KIRREL3: variants seen among roughly 807,000 people sequenced by gnomAD.
KIRREL3 encodes the protein kin of IRRE-like protein 3.
In KIRREL3, 36 loss-of-function variants were observed where a neutral mutation model predicts 89.7. The ratio of observed to expected loss-of-function variants is 0.40; its 90% CI spans 0.31 to 0.53. The LOEUF (loss-of-function observed/expected upper bound fraction) is 0.53, where lower values mean the gene tolerates loss of function less well. Ranked by LOEUF, KIRREL3 falls within the 20% of genes least tolerant of loss-of-function variation. The probability of loss-of-function intolerance (pLI) is 0.49; values close to 1 mark genes in which losing one functional copy is unlikely to be tolerated. For synonymous variants in KIRREL3, 445 were observed against 441.4 expected, an observed-to-expected ratio of 1.01 and a Z score of -0.10; for missense variants, 864 against 1,056.6, an observed-to-expected ratio of 0.82 and a Z score of 2.53.
At chr11:126,786,197 A>G (rs1011823233) in intron 1 of KIRREL3, among the ~76,000 whole-genome samples, 2 of 152,232 alleles carry the variant, frequency 1.3e-5, no homozygotes, top group Non-Finnish European at 2.9e-5. Context: ...AAAATTGCAT[A>G]TGATAACTAT....
Position 126,449,147 on chromosome 11 carries a change from G to A in KIRREL3, c.859C>T (p.Arg287Trp), listed in dbSNP as rs769358770. The A allele has an allele frequency of 8.7e-6, 14 of 1,613,782 alleles. No individual in the cohort carries two copies. Among genetic ancestry groups the A allele is most frequent in the South Asian group, 2.2e-5 (2 of 91,082 alleles). The part of the protein sequence containing the change: ...PAVTQYRWAK[R>W]GQIIKEASGE... Reference sequence around the variant, plus strand: ...GATGCCTCCTTGATGATCTGGCCCCGCTTGGCCCACCTGCAACAAAGGCCA... The same window carrying A: ...GATGCCTCCTTGATGATCTGGCCCCACTTGGCCCACCTGCAACAAAGGCCA... The change falls in exon 8 of 17, where the codon CGG becomes TGG. Residue 287 changes from arginine to tryptophan, a missense_variant. Coordinates refer to ENST00000525144, the MANE Select transcript of KIRREL3 (RefSeq NM_032531.4).
rs11220601 is a variant in KIRREL3, at chr11:126,755,552, C to A, written c.56-192640G>T. On this transcript the variant is annotated intron_variant, in intron 1 of 16. Coordinates refer to ENST00000525144, the MANE Select transcript of KIRREL3 (RefSeq NM_032531.4). The surrounding 1 kb of genome is among the most constrained non-coding windows in gnomAD (Gnocchi z 4.3). The stretch of plus-strand genomic sequence containing the variant: ...ACCAGAAAGTAAAAAAACAAAACAA[C>A]AACAACAAAAGAAAAAACAGAAAAA... Among the ~76,000 whole-genome samples the A allele has an allele frequency of 0.37, 56,293 of 151,950 alleles. 11,380 individuals carry two copies. The highest frequency in any genetic ancestry group is 0.79 in the East Asian group (4,102 of 5,184).
intron 1 of KIRREL3, among the ~76,000 whole-genome samples, chr11:126,777,537 C>T (rs948813306): frequency 1.6e-4 from 25 of 152,316 alleles, no homozygotes; most frequent in African/African-American, 6.0e-4. Context: ...TGACTCCCAG[C>T]ACAGGGCTCT....
chr11:126,667,113 T>G (rs999379666), intron 1 of KIRREL3, among the ~76,000 whole-genome samples: 1 of 152,234 alleles, frequency 6.6e-6, no homozygotes, highest in African/African-American at 2.4e-5. Flanking sequence ...GACTACTCCA[T>G]GATGGAGGAC....
chr11:126,784,344 T>G (rs891354764), intron 1 of KIRREL3, among the ~76,000 whole-genome samples: 5 of 152,230 alleles, frequency 3.3e-5, no homozygotes, highest in African/African-American at 9.6e-5. Flanking sequence ...TCTGTACTAT[T>G]TTGCAACTTT....
chr11:126,832,619 A>G (rs1043626783), intron 1 of KIRREL3, among the ~76,000 whole-genome samples: 1 of 152,148 alleles, frequency 6.6e-6, no homozygotes, highest in Admixed American at 6.5e-5. Flanking sequence ...CTGCCACAAT[A>G]TTACTGTTGC....
chr11:126,756,250 C>T (rs893469858), intron 1 of KIRREL3, among the ~76,000 whole-genome samples: 5 of 152,198 alleles, frequency 3.3e-5, no homozygotes, highest in African/African-American at 1.2e-4. Flanking sequence ...ACGACTCCAC[C>T]CCCAACACTG....
At chr11:126,913,820 T>G (rs1185403541) in intron 1 of KIRREL3, among the ~76,000 whole-genome samples, 1 of 152,014 alleles carries the variant, frequency 6.6e-6, no homozygotes, top group Non-Finnish European at 1.5e-5. Flanking sequence ...CAGAGTAGAG[T>G]GCAGGTGGAG....
In KIRREL3 at chr11:126,574,549, A is replaced by G. The variant is rs1305427193; in HGVS notation, c.56-11637T>C. Among the ~76,000 whole-genome samples, 1 of 152,188 alleles carries G rather than the reference A, an allele frequency of 6.6e-6. No individual in the cohort carries two copies. Among genetic ancestry groups the G allele is most frequent in the East Asian group, 1.9e-4 (1 of 5,188 alleles). On this transcript the variant is annotated intron_variant, in intron 1 of 16. Coordinates refer to ENST00000525144, the MANE Select transcript of KIRREL3 (RefSeq NM_032531.4). The surrounding 1 kb of genome is among the most constrained non-coding windows in gnomAD (Gnocchi z 5.3). The stretch of plus-strand genomic sequence containing the variant: ...CAGTGGGAGGCAGATTGCTACTATT[A>G]GCATGCCAAGGACTGCACAGACCCT...
chr11:126,562,894 C>G lies in KIRREL3; in HGVS notation c.74G>C (p.Arg25Thr). The G allele has an allele frequency of 6.2e-7, 1 of 1,613,834 alleles. No individual in the cohort carries two copies. The highest frequency in any genetic ancestry group is 1.1e-5 in the South Asian group (1 of 91,040). ...LFSQELGLQK[R>T]GCCLVLGYMA... ...GTAGCCCAGCACCAGACAGCATCCT[C>G]TCTTCTGGAGGCCCAGCTCTGGAAG... The change falls in exon 2 of 17, where the codon AGA becomes ACA. Residue 25 changes from arginine to threonine, a missense_variant. By Grantham distance (71) the Arg-to-Thr change is moderately conservative. Coordinates refer to ENST00000525144, the MANE Select transcript of KIRREL3 (RefSeq NM_032531.4). This position sits in a 1 kb window ranked among gnomAD's most constrained non-coding sequence, Gnocchi z 4.7.
chr11:126,863,557 G>A (rs897199562), intron 1 of KIRREL3, among the ~76,000 whole-genome samples: 9 of 150,908 alleles, frequency 6.0e-5, no homozygotes, highest in African/African-American at 2.2e-4. Flanking sequence ...GTGAGTGCAT[G>A]TGTGAGTGTG....
In KIRREL3 at chr11:126,563,824, C is replaced by G. The variant is rs933809415; in HGVS notation, c.56-912G>C. 3.3e-5 allele frequency among the ~76,000 whole-genome samples: 5 copies of G among 152,200 alleles called. No homozygotes were observed. The highest frequency in any genetic ancestry group is 2.0e-4 in the Admixed American group (3 of 15,286). ...GCTTTATCCTGATTCATCTTAATCA[C>G]TTTATGGATCCTGAAGCAATAGCAC... On this transcript the variant is annotated intron_variant, in intron 1 of 16. Transcript: ENST00000525144. The surrounding 1 kb of genome is among the most constrained non-coding windows in gnomAD (Gnocchi z 6.8).
intron 1 of KIRREL3, among the ~76,000 whole-genome samples, chr11:126,618,009 T>A (rs994652310): frequency 1.3e-5 from 2 of 152,208 alleles, no homozygotes; most frequent in Non-Finnish European, 2.9e-5. Context: ...GATTGGATAA[T>A]GTGGTTGGTG....
Position 126,769,815 on chromosome 11 carries a change from T to C in KIRREL3, c.56-206903A>G. 6.6e-6 allele frequency among the ~76,000 whole-genome samples: 1 copy of C among 152,162 alleles called. No homozygotes were observed. Among genetic ancestry groups the C allele is most frequent in the Non-Finnish European group, 1.5e-5 (1 of 68,024 alleles). ...ATATGGGTCTGAATATTGGCCCTGATGAGGTGTAGAATCTTGTGCAACCTG... is the reference window on the plus strand; with the variant it reads ...ATATGGGTCTGAATATTGGCCCTGACGAGGTGTAGAATCTTGTGCAACCTG... On this transcript the variant is annotated intron_variant, in intron 1 of 16. Transcript: ENST00000525144. This position sits in a 1 kb window ranked among gnomAD's most constrained non-coding sequence, Gnocchi z 4.3.
rs1958958579 is a variant in KIRREL3 at position 126,531,992 on chromosome 11, G to A, written c.134-5305C>T. Among the ~76,000 whole-genome samples the A allele has an allele frequency of 6.6e-6, 1 of 152,190 alleles. No homozygotes were observed. Reference sequence around the variant, plus strand: ...GATACTGTTCAGAGCACACCACACAGGAGAAAGGTGAGAAATCACAGGGTG... The same window carrying A: ...GATACTGTTCAGAGCACACCACACAAGAGAAAGGTGAGAAATCACAGGGTG... On this transcript the variant is annotated intron_variant, in intron 2 of 16. Transcript: ENST00000525144. The surrounding 1 kb of genome is among the most constrained non-coding windows in gnomAD (Gnocchi z 4.7).
rs1957464784 is a variant in KIRREL3 at position 126,489,971 on chromosome 11, T to C, written c.434-16505A>G. ...TGCAGGAATCTGGGCGTGTTAGTGC[T>C]GCATACGTTGGGGAAAATGAGACGT... On this transcript the variant is annotated intron_variant, in intron 4 of 16. Transcript: ENST00000525144. The surrounding 1 kb of genome is among the most constrained non-coding windows in gnomAD (Gnocchi z 5.5). Among the ~76,000 whole-genome samples, 1 of 152,118 alleles carries C rather than the reference T, an allele frequency of 6.6e-6. No individual in the cohort carries two copies. The highest frequency in any genetic ancestry group is 2.4e-5 in the African/African-American group (1 of 41,440).
chr11:126,640,433 G>A lies in KIRREL3; in HGVS notation c.56-77521C>T, dbSNP rs73030543. On this transcript the variant is annotated intron_variant, in intron 1 of 16. Transcript: ENST00000525144. The surrounding 1 kb of genome is among the most constrained non-coding windows in gnomAD (Gnocchi z 4.9). ...TCCGGAACTAGCAAACAGACTGTCA[G>A]TTCAGATTAGCAACATCAAAAGCAT... Among the ~76,000 whole-genome samples the A allele has an allele frequency of 3.5e-3, 528 of 152,324 alleles. 2 individuals carry two copies. Among genetic ancestry groups the A allele is most frequent in the Non-Finnish European group, 5.4e-3 (369 of 68,024 alleles).
In KIRREL3 at chr11:126,605,669, C is replaced by T. The variant is rs973008766; in HGVS notation, c.56-42757G>A. ...CGGTTTCACTTAATAAATACATTGC[C>T]ATTCTTGGCCACACATATCCGTCAT... On this transcript the variant is annotated intron_variant, in intron 1 of 16. Transcript: ENST00000525144. The surrounding 1 kb of genome is among the most constrained non-coding windows in gnomAD (Gnocchi z 5.7). Among the ~76,000 whole-genome samples, 5 of 152,334 alleles carry T rather than the reference C, an allele frequency of 3.3e-5. No individual in the cohort carries two copies. Among genetic ancestry groups the T allele is most frequent in the African/African-American group, 1.2e-4 (5 of 41,576 alleles).
rs754430761 is a variant in KIRREL3, at chr11:126,575,965, G to A, written c.56-13053C>T. Among the ~76,000 whole-genome samples, 30 of 152,154 alleles carry A rather than the reference G, an allele frequency of 2.0e-4. No homozygotes were observed. The highest frequency in any genetic ancestry group is 3.1e-4 in the Non-Finnish European group (21 of 68,022). ...TGCTATGAGACTCCCTTATAGATGCGACCACGGTTTTGAATTTTTGCTCCA... is the reference window on the plus strand; with the variant it reads ...TGCTATGAGACTCCCTTATAGATGCAACCACGGTTTTGAATTTTTGCTCCA... On this transcript the variant is annotated intron_variant, in intron 1 of 16. Transcript: ENST00000525144. The surrounding 1 kb of genome is among the most constrained non-coding windows in gnomAD (Gnocchi z 7.0).
Sources: gnomAD v4.1 joint callset for allele counts (sites outside exome capture counted in the v4.1 genomes callset) on GRCh38, gnomAD v4.1.1 for gene constraint, Gnocchi (gnomAD v3.1) non-coding constraint, MANE v1.5 for transcripts, NCBI Gene and HGNC (gene_info 2026-07-23, HGNC 2026-07-21) for gene names.